The following CACNA2D3 variants were observed in gnomAD, a reference collection of about 807,000 sequenced individuals.
CACNA2D3 encodes the protein calcium voltage-gated channel auxiliary subunit alpha2delta 3.
In CACNA2D3, 60 loss-of-function variants were observed where a neutral mutation model predicts 160.6. The ratio of observed to expected loss-of-function variants is 0.37; its 90% CI spans 0.30 to 0.46. The LOEUF (loss-of-function observed/expected upper bound fraction) is 0.46, where lower values mean the gene tolerates loss of function less well. Ranked by LOEUF, CACNA2D3 falls within the 20% of genes least tolerant of loss-of-function variation. CACNA2D3 has a pLI of 1.00. For missense variants in CACNA2D3, 1,205 were observed against 1,365.0 expected (o/e 0.88, Z 1.85); for synonymous variants, 558 against 492.9 (o/e 1.13, Z -1.75).
chr3:54,560,826 A>AT (rs1348822686), intron 5 of CACNA2D3, among the ~76,000 whole-genome samples: 1 of 152,208 alleles, frequency 6.6e-6, no homozygotes. Flanking sequence ...CATTTATTGA[A>AT]TAGGGAATCC....
At chr3:54,694,413 G>A (rs1459849783) in intron 11 of CACNA2D3, among the ~76,000 whole-genome samples, 2 of 152,162 alleles carry the variant, frequency 1.3e-5, no homozygotes, top group Admixed American at 6.5e-5. Context: ...TTAGAACATA[G>A]TATCCCTGTT....
intron 4 of CACNA2D3, among the ~76,000 whole-genome samples, chr3:54,424,741 A>T (rs1234296495): frequency 6.6e-6 from 1 of 151,944 alleles, no homozygotes; most frequent in Non-Finnish European, 1.5e-5. Context: ...TATCCTTGCC[A>T]TTCTCTCCCT....
chr3:55,073,627 TG>T, intron 36 of CACNA2D3, 70 bp downstream of exon 36: 1 of 1,347,362 alleles, frequency 7.4e-7, no homozygotes, highest in East Asian at 2.3e-5. Flanking sequence ...TAAGGAAACC[TG>T]GGGGAGAAAT....
intron 4 of CACNA2D3, among the ~76,000 whole-genome samples, chr3:54,481,485 C>G (rs1176099318): frequency 6.6e-6 from 1 of 152,190 alleles, no homozygotes; most frequent in African/African-American, 2.4e-5. Flanking sequence ...CGTGGCTTCT[C>G]TGGCAAAGAT....
chr3:54,404,773 G>A (rs1187124789), intron 4 of CACNA2D3, among the ~76,000 whole-genome samples: 1 of 152,014 alleles, frequency 6.6e-6, no homozygotes, highest in African/African-American at 2.4e-5. Context: ...CAATAAAGTT[G>A]CAGGATGTAA....
intron 3 of CACNA2D3, among the ~76,000 whole-genome samples, chr3:54,374,754 C>T (rs1277904790): frequency 6.6e-6 from 1 of 152,166 alleles, no homozygotes; most frequent in East Asian, 1.9e-4. Flanking sequence ...TGCCTTTTCC[C>T]TTATTCTCTG....
intron 5 of CACNA2D3, among the ~76,000 whole-genome samples, chr3:54,538,404 C>T (rs142991016): frequency 6.6e-6 from 1 of 152,156 alleles, no homozygotes; most frequent in African/African-American, 2.4e-5. Flanking sequence ...CCTCCTCCAG[C>T]GTCCCTTGGG....
chr3:54,441,904 T>C (rs891504687), intron 4 of CACNA2D3, among the ~76,000 whole-genome samples: 1 of 152,204 alleles, frequency 6.6e-6, no homozygotes, highest in Non-Finnish European at 1.5e-5. Context: ...TTATGCATTG[T>C]TTTATACTGG....
chr3:54,392,580 C>G (rs187083151), intron 4 of CACNA2D3, among the ~76,000 whole-genome samples: 5 of 152,220 alleles, frequency 3.3e-5, no homozygotes, highest in Admixed American at 3.3e-4. Context: ...GGGAAAGGAG[C>G]TGGCAGCACA....
At chr3:54,474,032 G>C (rs1346791306) in intron 4 of CACNA2D3, among the ~76,000 whole-genome samples, 1 of 152,146 alleles carries the variant, frequency 6.6e-6, no homozygotes, top group Admixed American at 6.5e-5. Context: ...ATTTGACCCA[G>C]CCATCCCATT....
intron 4 of CACNA2D3, among the ~76,000 whole-genome samples, chr3:54,476,486 G>A (rs1463966532): frequency 6.6e-6 from 1 of 152,024 alleles, no homozygotes. Context: ...CCACCACACT[G>A]TTTTCCATAG....
At chr3:54,668,446 A>G (rs149261581) in intron 11 of CACNA2D3, among the ~76,000 whole-genome samples, 1 of 152,314 alleles carries the variant, frequency 6.6e-6, no homozygotes, top group African/African-American at 2.4e-5. Context: ...CACCTCCGCC[A>G]TTGTTCAAGG....
At chr3:54,231,792 C>T (rs987902070) in intron 2 of CACNA2D3, among the ~76,000 whole-genome samples, 1 of 151,516 alleles carries the variant, frequency 6.6e-6, no homozygotes, top group Non-Finnish European at 1.5e-5. Context: ...GTTTCATGTT[C>T]GTCATATTCC....
At chr3:54,400,560 A>G (rs1460083657) in intron 4 of CACNA2D3, among the ~76,000 whole-genome samples, 1 of 152,156 alleles carries the variant, frequency 6.6e-6, no homozygotes, top group East Asian at 1.9e-4. Context: ...AAGGACCCTG[A>G]CAGCCTTTGC....
chr3:54,233,541 C>G (rs1701818409), intron 2 of CACNA2D3, among the ~76,000 whole-genome samples: 1 of 152,212 alleles, frequency 6.6e-6, no homozygotes, highest in Non-Finnish European at 1.5e-5. Flanking sequence ...GCCTTCCACA[C>G]CATTGGAAAC....
rs139570325 is a variant in CACNA2D3 at position 54,904,219 on chromosome 3, C to T, written c.2449+4351C>T. ...TTGTTGACTTGAGTTTTATAAATTA[C>T]GCTGATCGTGGTGGTGATTCTTTAC... On this transcript the variant is annotated intron_variant, in intron 27 of 37. Coordinates refer to ENST00000474759, the MANE Select transcript of CACNA2D3 (RefSeq NM_018398.3). Among the ~76,000 whole-genome samples the T allele has an allele frequency of 5.3e-5, 8 of 152,292 alleles. No individual in the cohort carries two copies. In the East Asian group the frequency reaches 1.4e-3, roughly 26 times the overall value.
chr3:54,252,866 G>GAAAGGTAGCAGAAGGTAGCAGAAA (rs1432231361), intron 2 of CACNA2D3, among the ~76,000 whole-genome samples: 9 of 139,924 alleles, frequency 6.4e-5, no homozygotes, highest in African/African-American at 2.1e-4. Context: ...AAGTGCAGCA[G>GAAAGGTAGCAGAAGGTAGCAGAAA]GATTAAGCCC....
At chr3:54,712,428 T>C (rs2106966184) in intron 11 of CACNA2D3, among the ~76,000 whole-genome samples, 1 of 152,190 alleles carries the variant, frequency 6.6e-6, no homozygotes, top group African/African-American at 2.4e-5. Context: ...TGGTGGGAAG[T>C]AGTTGAATCA....
intron 4 of CACNA2D3, among the ~76,000 whole-genome samples, chr3:54,468,993 G>A (rs1489146020): frequency 1.3e-5 from 2 of 151,862 alleles, no homozygotes; most frequent in African/African-American, 2.4e-5. Flanking sequence ...GTGGCTGTGG[G>A]TACAGCTTCA....
Sources: allele counts gnomAD v4.1 joint callset (sites outside exome capture counted in the v4.1 genomes callset), GRCh38; gene constraint gnomAD v4.1.1; transcripts MANE v1.5; gene names NCBI Gene and HGNC (gene_info 2026-07-23, HGNC 2026-07-21).